The following TENM4 variants were observed in gnomAD, a reference collection of about 807,000 sequenced individuals.
The protein encoded by TENM4 is teneurin transmembrane protein 4.
In TENM4, 82 loss-of-function variants were observed where a neutral mutation model predicts 243.3. The ratio of observed to expected loss-of-function variants is 0.34; its 90% CI spans 0.28 to 0.40. TENM4 has a LOEUF of 0.40. Ranked by LOEUF, TENM4 falls within the 10% of genes least tolerant of loss-of-function variation. The pLI is 1.00. For missense variants in TENM4, 3,138 were observed against 3,673.3 expected, an observed-to-expected ratio of 0.85 and a Z score of 3.77; for synonymous variants, 1,412 against 1,456.3, an observed-to-expected ratio of 0.97 and a Z score of 0.69.
intron 1 of TENM4, among the ~76,000 whole-genome samples, chr11:79,308,287 GA>G (rs1856660188): frequency 6.6e-6 from 1 of 152,184 alleles, no homozygotes; most frequent in Admixed American, 6.5e-5. Flanking sequence ...AGATTACAAA[GA>G]AAACCGATTA....
At chr11:78,790,437 T>C (rs975341600) in intron 15 of TENM4, among the ~76,000 whole-genome samples, 2 of 152,230 alleles carry the variant, frequency 1.3e-5, no homozygotes, top group African/African-American at 2.4e-5. Context: ...TGAGGTAATA[T>C]GTGGGAAAGC....
chr11:78,978,900 T>C (rs562364813), intron 6 of TENM4, among the ~76,000 whole-genome samples: 2 of 152,206 alleles, frequency 1.3e-5, no homozygotes, highest in South Asian at 4.2e-4. Flanking sequence ...GTGAAGTTTG[T>C]GTACAAAGCT....
rs1483268193 is a variant in TENM4 at position 78,862,987 on chromosome 11, G to C, written c.1230C>G (p.Asp410Glu). 8.1e-6 allele frequency: 12 copies of C among 1,481,464 alleles called. No individual in the cohort carries two copies. The highest frequency in any genetic ancestry group is 2.6e-5 in the East Asian group (1 of 38,990). 91.8% of individuals were successfully genotyped at this position (1,481,464 alleles called of 1,614,324 possible). A position where few individuals can be genotyped will look rare whatever the true frequency, so the allele number is the denominator to read the frequency against. ...CTTCTGTGGTTCCTTTGCCTTTCCTGTCAGGGGTCTCTAAGCCAGTGCCCC... is the reference window on the plus strand; with the variant it reads ...CTTCTGTGGTTCCTTTGCCTTTCCTCTCAGGGGTCTCTAAGCCAGTGCCCC... ...PSGGTGLETPDRKGKGTTEGK... is the reference protein window; with the variant it reads ...PSGGTGLETPERKGKGTTEGK... The change falls in exon 10 of 34, where the codon GAC becomes GAG. Residue 410 changes from aspartate to glutamate, a missense_variant. Transcript: ENST00000278550.
chr11:78,905,843 A>C (rs1183417876), intron 6 of TENM4, among the ~76,000 whole-genome samples: 1 of 152,238 alleles, frequency 6.6e-6, no homozygotes, highest in Non-Finnish European at 1.5e-5. Context: ...TTGGACGAGA[A>C]AGAAGGTGAG....
At chr11:79,361,097 A>G (rs375232674) in intron 1 of TENM4, among the ~76,000 whole-genome samples, 12 of 152,326 alleles carry the variant, frequency 7.9e-5, no homozygotes, top group African/African-American at 2.6e-4. Flanking sequence ...GATGATATTT[A>G]AGAGGATTAT....
intron 15 of TENM4, among the ~76,000 whole-genome samples, chr11:78,800,252 G>A (rs1857253266): frequency 6.6e-6 from 1 of 152,192 alleles, no homozygotes; most frequent in South Asian, 2.1e-4. Context: ...CAGTGCTGCT[G>A]AGTGTACCCA....
chr11:78,889,925 G>A lies in TENM4; in HGVS notation c.944C>T (p.Pro315Leu), dbSNP rs1855624772. The A allele has an allele frequency of 1.3e-6, 2 of 1,551,756 alleles. No individual in the cohort carries two copies. The highest frequency in any genetic ancestry group is 2.4e-5 in the East Asian group (1 of 40,918). The change falls in exon 9 of 34, where the codon CCC becomes CTC. Residue 315 changes from proline (P) to leucine (L), a missense_variant. By Grantham distance (98) the Pro-to-Leu change is moderately conservative. This residue lies in a region of TENM4 where 671 missense variants were observed against 614.1 expected (regional missense o/e 1.09). Coordinates refer to ENST00000278550, the MANE Select transcript of TENM4 (RefSeq NM_001098816.3). ...GAAGGTGCTGCGGGGCAGGGGTCGG[G>A]GCGGAGGAGAGTACACTGTGCTGGA... ...LTSSTVYSPP[P>L]RPLPRSTFAR... is the part of the protein sequence containing the mutation.
At chr11:78,730,202 T>G (rs1855620799) in intron 21 of TENM4, among the ~76,000 whole-genome samples, 3 of 152,160 alleles carry the variant, frequency 2.0e-5, no homozygotes, top group Admixed American at 2.0e-4. Flanking sequence ...TGGCATGCAG[T>G]GCTGCTGCTG....
chr11:78,756,691 TG>T, intron 19 of TENM4, 113 bp downstream of exon 19: 2 of 975,556 alleles, frequency 2.1e-6, no homozygotes, highest in Non-Finnish European at 3.1e-6. Flanking sequence ...TCAGGAACCA[TG>T]GATGCTCTCA....
At chr11:78,817,856 C>T (rs143815000) in intron 12 of TENM4, among the ~76,000 whole-genome samples, 62 of 152,224 alleles carry the variant, frequency 4.1e-4, no homozygotes, top group African/African-American at 1.5e-3. Context: ...ATTGCACTTG[C>T]TCCTACCGTA....
intron 18 of TENM4, among the ~76,000 whole-genome samples, chr11:78,763,220 T>C (rs1373513755): frequency 2.6e-5 from 4 of 152,204 alleles, no homozygotes. Flanking sequence ...TCCCGGAAAT[T>C]TCATTTTTCC....
At chr11:78,730,420 G>A (rs181133904) in intron 21 of TENM4, among the ~76,000 whole-genome samples, 50 of 152,340 alleles carry the variant, frequency 3.3e-4, no homozygotes, top group Admixed American at 9.8e-4. Flanking sequence ...GGCAGGACCT[G>A]TGGTTCACAG....
chr11:78,981,530 C>T (rs1857794949), intron 6 of TENM4, among the ~76,000 whole-genome samples: 1 of 151,996 alleles, frequency 6.6e-6, no homozygotes, highest in African/African-American at 2.4e-5. Flanking sequence ...TCCCCTTCCT[C>T]ATGAGGGAAT....
chr11:78,836,281 C>T (rs1260225832), intron 12 of TENM4, among the ~76,000 whole-genome samples: 3 of 152,200 alleles, frequency 2.0e-5, no homozygotes, highest in Admixed American at 6.5e-5. Flanking sequence ...ATGCTGGAGG[C>T]GGAGGTTGCA....
At chr11:78,951,023 T>C (rs1429828777) in intron 6 of TENM4, among the ~76,000 whole-genome samples, 2 of 152,154 alleles carry the variant, frequency 1.3e-5, no homozygotes, top group Non-Finnish European at 2.9e-5. Context: ...TGCCTGCAGG[T>C]TATGTTGCTT....
At chr11:78,709,743 C>T (rs2135795660) in intron 26 of TENM4, among the ~76,000 whole-genome samples, 1 of 152,356 alleles carries the variant, frequency 6.6e-6, no homozygotes, top group South Asian at 2.1e-4. Flanking sequence ...CAGTACCTCT[C>T]AGCCTGTGAT....
chr11:78,898,566 T>C (rs1278794401), intron 7 of TENM4, among the ~76,000 whole-genome samples: 1 of 152,162 alleles, frequency 6.6e-6, no homozygotes, highest in Non-Finnish European at 1.5e-5. Context: ...AGGCCCTCCT[T>C]TCTGCCCCTC....
Position 78,670,479 on chromosome 11 carries a change from C to G in TENM4, c.5866G>C (p.Val1956Leu). Residue 1956 changes from valine (V) to leucine (L), a missense_variant, in exon 32 of 34, where the codon GTG becomes CTG. Physicochemically the swap from Val to Leu is conservative, Grantham distance 32. Coordinates refer to ENST00000278550, the MANE Select transcript of TENM4 (RefSeq NM_001098816.3). Reference sequence around the variant, plus strand: ...TGCCGCGCCACGTTGGGCATCGTCACAGAAGAGAGGCGGTCATTCTTGTCG... The same window carrying G: ...TGCCGCGCCACGTTGGGCATCGTCAGAGAAGAGAGGCGGTCATTCTTGTCG... ...EFDKNDRLSS[V>L]TMPNVARQTL... The G allele has an allele frequency of 6.2e-7, 1 of 1,613,928 alleles. No homozygotes were observed. The highest frequency in any genetic ancestry group is 8.5e-7 in the Non-Finnish European group (1 of 1,179,902).
intron 1 of TENM4, among the ~76,000 whole-genome samples, chr11:79,430,972 A>C: frequency 6.6e-6 from 1 of 152,262 alleles, no homozygotes. Context: ...GATTAGGAGC[A>C]GCTAGGAGTC....
Sources: gnomAD v4.1 joint callset for allele counts (sites outside exome capture counted in the v4.1 genomes callset) on GRCh38, gnomAD v4.1.1 for gene constraint, gnomAD v4.1.1 regional missense constraint, MANE v1.5 for transcripts, NCBI Gene and HGNC (gene_info 2026-07-23, HGNC 2026-07-21) for gene names.